GRIK4: variants seen among roughly 807,000 people sequenced by gnomAD.
GRIK4 encodes the protein glutamate receptor ionotropic, kainate 4.
Under a neutral mutation model 104.9 loss-of-function variants are expected in GRIK4, and 40 were observed. That is an observed-to-expected ratio of 0.38 (90% confidence interval 0.30 to 0.50). GRIK4 has a LOEUF of 0.50. Among genes scored for constraint, GRIK4 ranks in the 20% least tolerant of loss-of-function variants. The pLI, the probability that GRIK4 is intolerant of heterozygous loss-of-function variation, is 0.93. For synonymous variants in GRIK4, 485 were observed against 524.9 expected (o/e 0.92, Z 1.04); for missense variants, 1,047 against 1,308.1 (o/e 0.80, Z 3.08).
chr11:120,744,596 C>T (rs902683847), intron 3 of GRIK4, among the ~76,000 whole-genome samples: 2 of 152,020 alleles, frequency 1.3e-5, no homozygotes, highest in South Asian at 4.1e-4. Flanking sequence ...TGTTCCCTTT[C>T]TTGGAAGAGG....
chr11:120,589,052 G>T (rs1311455075), intron 1 of GRIK4, among the ~76,000 whole-genome samples: 1 of 152,200 alleles, frequency 6.6e-6, no homozygotes, highest in Non-Finnish European at 1.5e-5. Flanking sequence ...ACACTGCCAG[G>T]AAGTTTTGCT....
chr11:120,602,387 C>T (rs1002456553), intron 1 of GRIK4, among the ~76,000 whole-genome samples: 1 of 152,152 alleles, frequency 6.6e-6, no homozygotes, highest in African/African-American at 2.4e-5. Context: ...TCAGGGAGTG[C>T]CAGCCCCTCT....
At chr11:120,736,463 G>T (rs1951223585) in intron 3 of GRIK4, among the ~76,000 whole-genome samples, 1 of 145,832 alleles carries the variant, frequency 6.9e-6, no homozygotes, top group Non-Finnish European at 1.5e-5. Context: ...CAGTCCACTG[G>T]CTCTAAGCCC....
intron 3 of GRIK4, among the ~76,000 whole-genome samples, chr11:120,709,015 A>G (rs1034354042): frequency 2.0e-5 from 3 of 152,144 alleles, no homozygotes; most frequent in Non-Finnish European, 4.4e-5. Flanking sequence ...GACAAACTGT[A>G]TGGATGTGAG....
intron 3 of GRIK4, among the ~76,000 whole-genome samples, chr11:120,704,441 T>G (rs549925276): frequency 6.6e-5 from 10 of 152,308 alleles, no homozygotes; most frequent in Admixed American, 2.6e-4. Flanking sequence ...ACAGGGAACA[T>G]TTGGGAGTGC....
chr11:120,660,366 G>T lies in GRIK4; in HGVS notation c.48G>T (p.Val16=). 1 of 1,613,340 alleles carries T rather than the reference G, an allele frequency of 6.2e-7. No individual in the cohort carries two copies. Reference sequence around the variant, plus strand: ...TGGTGCTGCTTCCTGCGTGGCTCGTGATGGTCGCCTGCAGCCCGCACTCCT... The same window carrying T: ...TGGTGCTGCTTCCTGCGTGGCTCGTTATGGTCGCCTGCAGCCCGCACTCCT... The part of the protein sequence containing the change: ...APLVLLPAWL[V]MVACSPHSLR... Residue 16 remains valine, a synonymous_variant, in exon 3 of 21, where the codon GTG becomes GTT. Transcript: ENST00000527524.
chr11:120,789,257 A>C (rs1952349190), intron 3 of GRIK4, among the ~76,000 whole-genome samples: 1 of 151,966 alleles, frequency 6.6e-6, no homozygotes, highest in African/African-American at 2.4e-5. Context: ...ACTACACCAA[A>C]ATCATTATCT....
intron 1 of GRIK4, among the ~76,000 whole-genome samples, chr11:120,562,997 G>A (rs932015279): frequency 1.3e-5 from 2 of 152,192 alleles, no homozygotes; most frequent in Non-Finnish European, 2.9e-5. Flanking sequence ...GGCTGTGGAT[G>A]TATGTGACTG....
rs73590024 is a variant in GRIK4, at chr11:120,603,217, C to A, written c.-158-50468C>A. ...TGACTTTGAATGCCTGTGGGTAGGG[C>A]AGGCATTTTCCCATGGGCCACAGGC... is the stretch of plus-strand genomic sequence containing the variant. On this transcript the variant is annotated intron_variant, in intron 1 of 20. Coordinates refer to ENST00000527524, the MANE Select transcript of GRIK4 (RefSeq NM_014619.5). Among the ~76,000 whole-genome samples the A allele has an allele frequency of 6.1e-3, 934 of 152,304 alleles. 5 individuals are homozygous for A. The highest frequency in any genetic ancestry group is 0.022 in the African/African-American group (894 of 41,564).
intron 3 of GRIK4, among the ~76,000 whole-genome samples, chr11:120,667,449 G>A (rs770617740): frequency 1.6e-4 from 24 of 152,400 alleles, no homozygotes; most frequent in Middle Eastern, 3.4e-3. Context: ...GAGTGCCTGC[G>A]TGGGCGGGAC....
chr11:120,527,438 G>A (rs1947869459), intron 1 of GRIK4, among the ~76,000 whole-genome samples: 1 of 152,212 alleles, frequency 6.6e-6, no homozygotes, highest in African/African-American at 2.4e-5. Context: ...GCCGGTGAGA[G>A]AGGGAGCATG....
chr11:120,671,238 A>C (rs1395279973), intron 3 of GRIK4, among the ~76,000 whole-genome samples: 1 of 152,194 alleles, frequency 6.6e-6, no homozygotes, highest in Non-Finnish European at 1.5e-5. Flanking sequence ...TTACTGGGTC[A>C]AAAGGTATTT....
At chr11:120,842,669 G>A (rs1171393602) in intron 8 of GRIK4, among the ~76,000 whole-genome samples, 3 of 152,208 alleles carry the variant, frequency 2.0e-5, no homozygotes, top group African/African-American at 7.2e-5. Context: ...TCTTACCCGA[G>A]GAGGGCATGC....
At chr11:120,874,515 C>T (rs1954718909) in intron 10 of GRIK4, among the ~76,000 whole-genome samples, 1 of 152,202 alleles carries the variant, frequency 6.6e-6, no homozygotes, top group African/African-American at 2.4e-5. Context: ...CCTCTCTGCT[C>T]AGCGGTGTTC....
At chr11:120,730,830 T>G (rs559390166) in intron 3 of GRIK4, among the ~76,000 whole-genome samples, 4 of 152,324 alleles carry the variant, frequency 2.6e-5, no homozygotes, top group African/African-American at 9.6e-5. Flanking sequence ...GTGGCTATTT[T>G]GAATGAAATT....
chr11:120,914,705 G>A (rs1398810167), intron 13 of GRIK4, among the ~76,000 whole-genome samples: 1 of 152,172 alleles, frequency 6.6e-6, no homozygotes, highest in Non-Finnish European at 1.5e-5. Flanking sequence ...TATGTGTTTG[G>A]ATCTTTATAA....
intron 5 of GRIK4, among the ~76,000 whole-genome samples, chr11:120,817,963 A>G (rs1011937969): frequency 6.6e-6 from 1 of 152,220 alleles, no homozygotes; most frequent in Non-Finnish European, 1.5e-5. Flanking sequence ...ATCCTCCCAG[A>G]GCTCTAAGAA....
intron 16 of GRIK4, among the ~76,000 whole-genome samples, chr11:120,957,397 C>T (rs143522599): frequency 6.6e-6 from 1 of 152,364 alleles, no homozygotes; most frequent in Non-Finnish European, 1.5e-5. Context: ...GGCTTTGTGT[C>T]TCTGCCTCTG....
chr11:120,819,630 T>C lies in GRIK4; in HGVS notation c.346-125T>C. ...GGTGCCCTGGGAGCTCCTTCTCCCA[T>C]TGGTGTCTGGCGAAGGTGTTACATA... On this transcript the variant is annotated intron_variant, in intron 5 of 20. Coordinates refer to ENST00000527524, the MANE Select transcript of GRIK4 (RefSeq NM_014619.5). The surrounding 1 kb of genome is among the most constrained non-coding windows in gnomAD (Gnocchi z 4.3). The C allele has an allele frequency of 1.2e-6, 1 of 823,714 alleles. No homozygotes were observed. Among genetic ancestry groups the C allele is most frequent in the Admixed American group, 2.0e-5 (1 of 50,576 alleles). 51.0% of individuals were successfully genotyped at this position (823,714 alleles called of 1,614,324 possible).
Sources: allele counts gnomAD v4.1 joint callset (sites outside exome capture counted in the v4.1 genomes callset), GRCh38; gene constraint gnomAD v4.1.1; non-coding constraint Gnocchi (gnomAD v3.1); transcripts MANE v1.5; gene names NCBI Gene and HGNC (gene_info 2026-07-23, HGNC 2026-07-21).